Variants in SLC35F2 observed in about 807,000 individuals in gnomAD.
SLC35F2 encodes queuine/queuosine transporter SLC35F2.
A neutral mutation model predicts 38.1 loss-of-function variants in SLC35F2; 25 were observed. The observed-to-expected ratio is 0.66, with a 90% CI of 0.48 to 0.92. The LOEUF (loss-of-function observed/expected upper bound fraction) is 0.92. Among genes scored for constraint, SLC35F2 ranks in the 40% least tolerant of loss-of-function variants. The probability of loss-of-function intolerance (pLI) is 0.00; values close to 1 mark genes in which losing one functional copy is unlikely to be tolerated. For missense variants in SLC35F2, 409 were observed against 452.9 expected, an observed-to-expected ratio of 0.90 and a Z score of 0.88; for synonymous variants, 173 against 181.7, an observed-to-expected ratio of 0.95 and a Z score of 0.38.
intron 1 of SLC35F2, among the ~76,000 whole-genome samples, chr11:107,829,166 C>G (rs1859797731): frequency 6.6e-6 from 1 of 150,602 alleles, no homozygotes. Context: ...CACCTGTAAT[C>G]TCAGCACTTT....
intron 1 of SLC35F2, among the ~76,000 whole-genome samples, chr11:107,848,253 G>A (rs1272107027): frequency 1.3e-5 from 2 of 151,838 alleles, no homozygotes; most frequent in African/African-American, 4.9e-5. Flanking sequence ...AAAGTATTAT[G>A]TTCAGGTAAA....
chr11:107,845,330 C>G (rs1344658247), intron 1 of SLC35F2, among the ~76,000 whole-genome samples: 1 of 152,110 alleles, frequency 6.6e-6, no homozygotes, highest in African/African-American at 2.4e-5. Flanking sequence ...GTAATCCCAG[C>G]ACTTTGGGAG....
At chr11:107,810,739 T>C in intron 3 of SLC35F2, 1 of 978,702 alleles carries the variant, frequency 1.0e-6, no homozygotes, top group South Asian at 4.7e-5. Context: ...GTAGTTAATA[T>C]AATGGTAGTA....
chr11:107,816,016 A>ACACACT (rs1491143059), intron 1 of SLC35F2, 51 bp from the exon 2 acceptor site: 2 of 355,310 alleles, frequency 5.6e-6, no homozygotes, highest in Admixed American at 1.1e-4. Context: ...GTTATACCTT[A>ACACACT]CACACACACA....
chr11:107,806,652 A>C (rs754402129), intron 4 of SLC35F2, 65 bp downstream of exon 4: 2 of 1,440,854 alleles, frequency 1.4e-6, no homozygotes, highest in South Asian at 2.3e-5. Context: ...TTCTTTGTTG[A>C]TATAAAAGTG....
intron 1 of SLC35F2, among the ~76,000 whole-genome samples, chr11:107,818,864 G>C (rs1163919001): frequency 1.3e-5 from 2 of 152,164 alleles, no homozygotes; most frequent in Non-Finnish European, 2.9e-5. Flanking sequence ...CAGATGGTGA[G>C]GCGTGGTGGC....
intron 1 of SLC35F2, among the ~76,000 whole-genome samples, chr11:107,833,994 T>A (rs190971993): frequency 6.6e-6 from 1 of 152,262 alleles, no homozygotes; most frequent in Non-Finnish European, 1.5e-5. Flanking sequence ...ATAGATGCTA[T>A]GCCGGACACG....
intron 7 of SLC35F2, among the ~76,000 whole-genome samples, chr11:107,801,851 C>T (rs1383936082): frequency 6.6e-6 from 1 of 152,154 alleles, no homozygotes; most frequent in Non-Finnish European, 1.5e-5. Context: ...ACAACTAAGA[C>T]TTAATATTGG....
intron 1 of SLC35F2, among the ~76,000 whole-genome samples, chr11:107,857,334 GGAGA>G (rs1266949817): frequency 7.0e-6 from 1 of 143,844 alleles, no homozygotes; most frequent in African/African-American, 2.6e-5. Context: ...AAGGAAGGAA[GGAGA>G]GAGAGGGAAG....
intron 1 of SLC35F2, among the ~76,000 whole-genome samples, chr11:107,842,287 T>TAAAAAAAAAA (rs1292690214): frequency 2.4e-3 from 173 of 71,180 alleles, no homozygotes; most frequent in South Asian, 5.6e-3. Flanking sequence ...AAAAAAAAAT[T>TAAAAAAAAAA]AAAGCTTGAC....
At chr11:107,815,388 A>AT (rs763711471) in intron 2 of SLC35F2, among the ~76,000 whole-genome samples, 222 of 138,804 alleles carry the variant, frequency 1.6e-3, no homozygotes, top group Non-Finnish European at 2.6e-3. Context: ...CATCTCTAAA[A>AT]TAAAAAAAAA....
At chr11:107,800,045 T>A (rs1680252) in intron 7 of SLC35F2, among the ~76,000 whole-genome samples, 8,609 of 150,910 alleles carry the variant, frequency 0.057, 291 homozygotes, top group East Asian at 0.15. Context: ...TATGCCACCA[T>A]GCCCGGCTAA....
chr11:107,797,400 C>T (rs1424077458), intron 7 of SLC35F2, among the ~76,000 whole-genome samples: 1 of 151,918 alleles, frequency 6.6e-6, no homozygotes, highest in Non-Finnish European at 1.5e-5. Flanking sequence ...AAAAAGCAAG[C>T]AAGCTAGCTT....
chr11:107,846,362 T>C (rs1424274949), intron 1 of SLC35F2, among the ~76,000 whole-genome samples: 1 of 152,190 alleles, frequency 6.6e-6, no homozygotes, highest in Non-Finnish European at 1.5e-5. Context: ...GAAAACATGA[T>C]ACCACGATAA....
Position 107,811,800 on chromosome 11 carries a change from TGAAA to T in SLC35F2, c.287-10_287-7del, listed in dbSNP as rs1351076056. 2.5e-6 allele frequency: 4 copies of T among 1,613,184 alleles called. No individual in the cohort carries two copies. The highest frequency in any genetic ancestry group is 2.5e-6 in the Non-Finnish European group (3 of 1,179,446). ...TACTAAAAGGTTATCACTGCCTGGT[TGAAA>T]GAAATATGGGTTAGTACATGTTACT... On this transcript the variant is annotated splice_polypyrimidine_tract_variant and splice_region_variant and intron_variant, in intron 2 of 7. Coordinates refer to ENST00000525815, the MANE Select transcript of SLC35F2 (RefSeq NM_017515.5).
intron 3 of SLC35F2, among the ~76,000 whole-genome samples, chr11:107,811,453 T>C (rs1294293378): frequency 6.6e-6 from 1 of 152,254 alleles, no homozygotes; most frequent in African/African-American, 2.4e-5. Flanking sequence ...TAATCTGCCA[T>C]AGCAGTTTGG....
At chr11:107,820,867 A>C (rs939689380) in intron 1 of SLC35F2, among the ~76,000 whole-genome samples, 28 of 152,128 alleles carry the variant, frequency 1.8e-4, no homozygotes, top group African/African-American at 6.5e-4. Context: ...GAGACAGGAG[A>C]ATTGCTTGAA....
At chr11:107,854,689 C>G (rs940087192) in intron 1 of SLC35F2, among the ~76,000 whole-genome samples, 1 of 152,122 alleles carries the variant, frequency 6.6e-6, no homozygotes, top group African/African-American at 2.4e-5. Context: ...TGTCTGTACC[C>G]TATGGGGGCA....
intron 1 of SLC35F2, among the ~76,000 whole-genome samples, chr11:107,854,705 A>T (rs1481910926): frequency 6.6e-6 from 1 of 152,198 alleles, no homozygotes; most frequent in Admixed American, 6.5e-5. Context: ...GGGCAGGTAT[A>T]TTAAGAGCTG....
Sources: gnomAD v4.1 joint callset for allele counts (sites outside exome capture counted in the v4.1 genomes callset) on GRCh38, gnomAD v4.1.1 for gene constraint, MANE v1.5 for transcripts, NCBI Gene and HGNC (gene_info 2026-07-23, HGNC 2026-07-21) for gene names.